UBR4: variants seen among roughly 807,000 people sequenced by gnomAD.
The protein encoded by UBR4 is E3 ubiquitin-protein ligase UBR4.
A neutral mutation model predicts 575.6 loss-of-function variants in UBR4; 124 were observed. The observed-to-expected ratio is 0.22, with a 90% CI of 0.19 to 0.25. The LOEUF (loss-of-function observed/expected upper bound fraction) is 0.25. UBR4 is among the 10% of genes least tolerant of loss of function. UBR4 has a pLI of 1.00. For synonymous variants in UBR4, 2,455 were observed against 2,473.7 expected, an observed-to-expected ratio of 0.99 and a Z score of 0.22; for missense variants, 4,818 against 6,478.8, an observed-to-expected ratio of 0.74 and a Z score of 8.80.
chr1:19,085,488 C>T (rs929221752), intron 101 of UBR4, among the ~76,000 whole-genome samples: 3 of 152,222 alleles, frequency 2.0e-5, no homozygotes, highest in Admixed American at 6.5e-5. Flanking sequence ...CGCCACTGCA[C>T]TCCAGCCTGG....
chr1:19,074,776 C>G lies in UBR4; in HGVS notation c.*56G>C. ...GAACTTAATGCACAAGGAGGGAGAA[C>G]AGAGGGTGGAAGGCAAGCCAGCTTC... On this transcript the variant is annotated 3_prime_UTR_variant, in exon 106 of 106. Transcript: ENST00000375254. 1 of 1,588,648 alleles carries G rather than the reference C, an allele frequency of 6.3e-7. No homozygotes were observed. The highest frequency in any genetic ancestry group is 8.6e-7 in the Non-Finnish European group (1 of 1,160,564).
rs2150942394 is a variant in UBR4, at chr1:19,173,235, C to T, written c.3237G>A (p.Lys1079=). 4 of 1,614,204 alleles carry T rather than the reference C, an allele frequency of 2.5e-6. No individual in the cohort carries two copies. In the East Asian group the frequency reaches 8.9e-5, roughly 36 times the overall value. The part of the protein sequence containing the change: ...SSLLELASTT[K]CSSVKYDVEI... ...CAACATCATATTTCACTGAGCTACA[C>T]TTAGTGGTGGATGCCAGTTCTAGAA... Residue 1079 remains lysine (K), a synonymous_variant, in exon 24 of 106, where the codon AAG becomes AAA. Transcript: ENST00000375254.
At position 19,198,946 on chromosome 1, in the gene UBR4, G is replaced by A. The variant is rs2092608863; in HGVS notation, c.379-18C>T. 6.2e-7 allele frequency: 1 copy of A among 1,607,878 alleles called. No individual in the cohort carries two copies. The highest frequency in any genetic ancestry group is 1.3e-5 in the African/African-American group (1 of 74,478). On this transcript the variant is annotated intron_variant, in intron 3 of 105. Coordinates refer to ENST00000375254, the MANE Select transcript of UBR4 (RefSeq NM_020765.3). ...AAGTGTTTCTGAAAAGAAAACAAAT[G>A]CAAACAAAAGAAAACAAAAACAAAT...
chr1:19,174,079 G>C (rs138223957), intron 22 of UBR4, among the ~76,000 whole-genome samples: 11 of 150,516 alleles, frequency 7.3e-5, no homozygotes, highest in African/African-American at 2.0e-4. Flanking sequence ...ATAGCACTTG[G>C]GGGGGGACCA....
intron 84 of UBR4, among the ~76,000 whole-genome samples, 157 bp downstream of exon 84, chr1:19,105,576 C>T (rs2079096640): frequency 6.6e-6 from 1 of 152,212 alleles, no homozygotes; most frequent in African/African-American, 2.4e-5. Flanking sequence ...ACCACCACTA[C>T]CATCACTAAA....
intron 1 of UBR4, among the ~76,000 whole-genome samples, chr1:19,202,361 T>C (rs1434620000): frequency 6.6e-6 from 1 of 152,194 alleles, no homozygotes; most frequent in East Asian, 1.9e-4. Context: ...TGTTCTATAT[T>C]ACTGACTGGC....
rs2088178436 is a variant in UBR4, at chr1:19,165,433, C to T, written c.4212-84G>A. On this transcript the variant is annotated intron_variant, in intron 30 of 105. Transcript: ENST00000375254. ...CATCCTTTCTTCACAATCTCATCTCCTCTGGGGAAAATGACCACTTATGAG... is the reference window on the plus strand; with the variant it reads ...CATCCTTTCTTCACAATCTCATCTCTTCTGGGGAAAATGACCACTTATGAG... 2.3e-6 allele frequency: 3 copies of T among 1,285,528 alleles called. No homozygotes were observed. The East Asian group carries it at 6.9e-5, about 30-fold the overall frequency. 79.6% of individuals were successfully genotyped at this position (1,285,528 alleles called of 1,614,324 possible).
chr1:19,160,872 G>A (rs757190762), intron 38 of UBR4, 45 bp downstream of exon 38: 1 of 1,584,158 alleles, frequency 6.3e-7, no homozygotes, highest in East Asian at 2.2e-5. Flanking sequence ...AATTCAACAG[G>A]CTCTGAACTC....
chr1:19,143,237 A>AGGAG (rs1260491401), intron 55 of UBR4, among the ~76,000 whole-genome samples: 3 of 41,578 alleles, frequency 7.2e-5, no homozygotes, highest in African/African-American at 2.6e-4. Context: ...GAAGGAAGGC[A>AGGAG]GGAAGGAAGG....
rs796227658 is a variant in UBR4 at position 19,078,188 on chromosome 1, G to A, written c.15234-122C>T. 36 of 984,176 alleles carry A rather than the reference G, an allele frequency of 3.7e-5. No individual in the cohort carries two copies. In the African/African-American group the frequency reaches 3.9e-4, roughly 11 times the overall value. The allele number at this position is 984,176 out of a possible 1,614,324, so 61.0% of individuals were successfully genotyped here. On this transcript the variant is annotated intron_variant, in intron 103 of 105. Transcript: ENST00000375254. ...GGTGTATGCATCTCGGAGTTCCAGC[G>A]ACTAGCCTTCTGCTTGGAAAAAAGC...
At chr1:19,102,922 C>G (rs940845221) in intron 87 of UBR4, among the ~76,000 whole-genome samples, 3 of 152,184 alleles carry the variant, frequency 2.0e-5, no homozygotes, top group African/African-American at 7.2e-5. Flanking sequence ...CCTCTGAAAA[C>G]TTGTAATGAG....
Position 19,084,655 on chromosome 1 carries a change from T to G in UBR4, c.14857A>C (p.Thr4953Pro), listed in dbSNP as rs1451624880. The change falls in exon 102 of 106, where the codon ACG (threonine) becomes CCG (proline). Residue 4953 changes from threonine to proline, a missense_variant. Transcript: ENST00000375254. ...ATGTCATGGATGTTGAGCTGATACG[T>G]GGGCTCCCGCTGGCCTGTACATTCC... is the stretch of plus-strand genomic sequence containing the variant. ...LQECTGQREPTYQLNIHDIKL... is the reference protein window; with the variant it reads ...LQECTGQREPPYQLNIHDIKL... The G allele has an allele frequency of 1.2e-6, 2 of 1,613,896 alleles. No homozygotes were observed. The highest frequency in any genetic ancestry group is 2.7e-5 in the African/African-American group (2 of 74,936).
chr1:19,164,207 C>T (rs1457424928), intron 33 of UBR4, 46 bp downstream of exon 33: 4 of 1,571,474 alleles, frequency 2.5e-6, no homozygotes, highest in Non-Finnish European at 3.5e-6. Context: ...TAACCCACTT[C>T]TCAAGATCAA....
At chr1:19,186,110 G>A (rs78335236) in intron 14 of UBR4, among the ~76,000 whole-genome samples, 2,990 of 152,214 alleles carry the variant, frequency 0.02, 41 homozygotes, top group South Asian at 0.055. Context: ...GCATGCCAGT[G>A]GGTTCACTAC....
chr1:19,075,070 C>A, intron 105 of UBR4, 174 bp from the exon 106 acceptor site: 1 of 664,504 alleles, frequency 1.5e-6, no homozygotes, highest in Admixed American at 2.3e-5. Flanking sequence ...AAACCCTGTT[C>A]CGCAGGAGGA....
intron 8 of UBR4, among the ~76,000 whole-genome samples, chr1:19,195,982 A>ACACACACACACACACG (rs1318607404): frequency 3.5e-5 from 5 of 143,318 alleles, no homozygotes; most frequent in African/African-American, 1.4e-4. Context: ...ACACACACAC[A>ACACACACACACACACG]CACACACACA....
Position 19,196,781 on chromosome 1 carries a change from C to T in UBR4, c.1018+360G>A, listed in dbSNP as rs143073221. On this transcript the variant is annotated intron_variant, in intron 8 of 105. Coordinates refer to ENST00000375254, the MANE Select transcript of UBR4 (RefSeq NM_020765.3). ...GCCTTTAATACTGTTTTATATTATA[C>T]TATTTAGCTTTATGTGTTCTCTGCT... 2.6e-5 allele frequency among the ~76,000 whole-genome samples: 4 copies of T among 152,286 alleles called. No individual in the cohort carries two copies. The East Asian group carries it at 5.8e-4, about 22-fold the overall frequency.
chr1:19,155,937 C>T (rs1409563290), intron 42 of UBR4, among the ~76,000 whole-genome samples: 2 of 152,158 alleles, frequency 1.3e-5, no homozygotes, highest in Admixed American at 1.3e-4. Flanking sequence ...AGGGTAGAAC[C>T]AGAATCAATT....
chr1:19,199,820 T>A, intron 2 of UBR4, 66 bp from the exon 3 acceptor site: 2 of 1,421,882 alleles, frequency 1.4e-6, no homozygotes, highest in Non-Finnish European at 2.0e-6. Flanking sequence ...TTAAGCAAAG[T>A]AAGTATTGAG....
Sources: gnomAD v4.1 joint callset for allele counts (sites outside exome capture counted in the v4.1 genomes callset) on GRCh38, gnomAD v4.1.1 for gene constraint, MANE v1.5 for transcripts, NCBI Gene and HGNC (gene_info 2026-07-23, HGNC 2026-07-21) for gene names.